The following BLK variants were observed in gnomAD, a reference collection of about 807,000 sequenced individuals.
The protein encoded by BLK is tyrosine-protein kinase Blk.
In BLK, 64 loss-of-function variants were observed where a neutral mutation model predicts 61.8. The observed-to-expected ratio is 1.03, with a 90% CI of 0.85 to 1.27. The LOEUF is 1.27. BLK is among the 50% of genes most tolerant of loss of function. The pLI, the probability that BLK is intolerant of heterozygous loss-of-function variation, is 0.00. For missense variants in BLK, 853 were observed against 660.5 expected, an observed-to-expected ratio of 1.29 and a Z score of -3.19; for synonymous variants, 351 against 272.0, an observed-to-expected ratio of 1.29 and a Z score of -2.86.
intron 1 of BLK, among the ~76,000 whole-genome samples, chr8:11,512,291 G>A (rs1049637540): frequency 6.6e-6 from 1 of 152,176 alleles, no homozygotes; most frequent in Non-Finnish European, 1.5e-5. Context: ...ACAGAAAACT[G>A]TGTTGTTTGT....
At chr8:11,549,504 G>A (rs73195287) in intron 5 of BLK, among the ~76,000 whole-genome samples, 22 of 152,160 alleles carry the variant, frequency 1.4e-4, no homozygotes, top group African/African-American at 4.3e-4. Flanking sequence ...GGAGGGTGGC[G>A]TTGTTCAGAA....
intron 2 of BLK, among the ~76,000 whole-genome samples, chr8:11,545,462 T>C (rs1437255463): frequency 1.3e-5 from 2 of 152,098 alleles, no homozygotes; most frequent in Admixed American, 1.3e-4. Flanking sequence ...GGCACGAGAA[T>C]TGCTTGAACT....
chr8:11,548,376 A>G (rs897353206), intron 4 of BLK, among the ~76,000 whole-genome samples: 2 of 152,144 alleles, frequency 1.3e-5, no homozygotes. Context: ...CACCGCCTCC[A>G]TGCAGCCCTC....
Position 11,545,604 on chromosome 8 carries a change from C to A in BLK, c.124-448C>A, listed in dbSNP as rs1490696363. On this transcript the variant is annotated intron_variant, in intron 2 of 12. Coordinates refer to ENST00000259089, the MANE Select transcript of BLK (RefSeq NM_001715.3). ...TGCTAGGAGCCCTCTTGTACACATT[C>A]CCTTGTACACTCTTGTACACATACA... 2.6e-5 allele frequency: 5 copies of A among 194,946 alleles called. No individual in the cohort carries two copies. The South Asian group carries it at 3.4e-4, about 13-fold the overall frequency. The allele number at this position is 194,946 out of a possible 1,614,324, so 12.1% of individuals were successfully genotyped here. A position where few individuals can be genotyped will look rare whatever the true frequency, so the allele number is the denominator to read the frequency against.
chr8:11,495,716 T>C lies in BLK; in HGVS notation c.-2+1125T>C, dbSNP rs189843375. ...ATGGTCAGGACACCCAAACCCAGAA[T>C]TCGCATCCTGTATTGGATCCTAAAG... On this transcript the variant is annotated intron_variant, in intron 1 of 12. Coordinates refer to ENST00000259089, the MANE Select transcript of BLK (RefSeq NM_001715.3). 1.2e-3 allele frequency among the ~76,000 whole-genome samples: 186 copies of C among 152,308 alleles called. 1 individual carries two copies. The highest frequency in any genetic ancestry group is 4.1e-3 in the African/African-American group (169 of 41,558).
At chr8:11,548,162 AC>A (rs753710738) in intron 4 of BLK, 37 bp downstream of exon 4, 7 of 1,497,180 alleles carry the variant, frequency 4.7e-6, no homozygotes, top group East Asian at 2.4e-5. Flanking sequence ...TCCCTGCAGG[AC>A]CCCCCTCCCC....
chr8:11,526,493 T>C (rs1585358095), intron 1 of BLK, among the ~76,000 whole-genome samples: 1 of 152,088 alleles, frequency 6.6e-6, no homozygotes, highest in African/African-American at 2.4e-5. Flanking sequence ...CCAAGGCGGG[T>C]GGGTCACCTG....
chr8:11,518,080 G>C (rs751187832), intron 1 of BLK, among the ~76,000 whole-genome samples: 4 of 152,184 alleles, frequency 2.6e-5, no homozygotes, highest in Non-Finnish European at 5.9e-5. Flanking sequence ...ACCGAGGCTG[G>C]GAGGGGCGAG....
At chr8:11,558,745 G>A (rs1278110299) in intron 10 of BLK, 1 of 456,204 alleles carries the variant, frequency 2.2e-6, no homozygotes. Flanking sequence ...ACATCTGGTG[G>A]CCCTGTTAAA....
At chr8:11,532,286 C>A (rs533633534) in intron 1 of BLK, among the ~76,000 whole-genome samples, 13 of 151,860 alleles carry the variant, frequency 8.6e-5, no homozygotes, top group African/African-American at 3.1e-4. Flanking sequence ...GCAACCTCTG[C>A]CTCCCAGGCT....
At chr8:11,538,279 CCT>C (rs1800222095) in intron 1 of BLK, among the ~76,000 whole-genome samples, 1 of 152,178 alleles carries the variant, frequency 6.6e-6, no homozygotes, top group Non-Finnish European at 1.5e-5. Context: ...ATGCGTTTTG[CCT>C]CTGTCTGGAC....
intron 5 of BLK, 185 bp from the exon 6 acceptor site, chr8:11,549,974 G>A: frequency 1.5e-6 from 1 of 659,192 alleles, no homozygotes. Flanking sequence ...AGCGGAACTG[G>A]AAGGGCAGCG....
intron 1 of BLK, among the ~76,000 whole-genome samples, chr8:11,529,145 G>T (rs1215932133): frequency 1.3e-5 from 2 of 152,164 alleles, no homozygotes; most frequent in African/African-American, 2.4e-5. Context: ...AATATAAGGA[G>T]TGAAAGTGTA....
chr8:11,495,200 T>G lies in BLK; in HGVS notation c.-2+609T>G, dbSNP rs145974444. On this transcript the variant is annotated intron_variant, in intron 1 of 12. Transcript: ENST00000259089. ...TAGTTGATCACATATTTTGAAAGGA[T>G]TTGTGTAAATTGTAAGGTTTTGACA... Among the ~76,000 whole-genome samples, 351 of 152,250 alleles carry G rather than the reference T, an allele frequency of 2.3e-3. 1 individual carries two copies. Among genetic ancestry groups the G allele is most frequent in the African/African-American group, 7.6e-3 (314 of 41,540 alleles).
intron 2 of BLK, among the ~76,000 whole-genome samples, chr8:11,545,294 A>G (rs1320660439): frequency 6.6e-6 from 1 of 152,236 alleles, no homozygotes. Flanking sequence ...CACGCCTGTA[A>G]TCCCAGCACT....
rs181371664 is a variant in BLK at position 11,502,863 on chromosome 8, G to A, written c.-2+8272G>A. On this transcript the variant is annotated intron_variant, in intron 1 of 12. Transcript: ENST00000259089. ...GGGTGACCCTGCTTTGTGCTCGGTG[G>A]CAGGGGAAGGGGGGTGGGCCTGTGG... 3.2e-3 allele frequency among the ~76,000 whole-genome samples: 491 copies of A among 152,262 alleles called. 1 individual carries two copies. Among genetic ancestry groups the A allele is most frequent in the African/African-American group, 0.011 (457 of 41,542 alleles).
intron 4 of BLK, among the ~76,000 whole-genome samples, chr8:11,548,501 G>T (rs1006912898): frequency 4.7e-4 from 71 of 152,106 alleles, no homozygotes; most frequent in Non-Finnish European, 1.2e-4. Flanking sequence ...CAAGACAGGA[G>T]CCCACACTGA....
At chr8:11,550,419 T>C (rs1305404965) in intron 6 of BLK, among the ~76,000 whole-genome samples, 157 bp downstream of exon 6, 1 of 151,906 alleles carries the variant, frequency 6.6e-6, no homozygotes, top group East Asian at 1.9e-4. Context: ...TGCCCGGGAG[T>C]TGACATGGGG....
chr8:11,540,982 A>G (rs1800353050), intron 1 of BLK, among the ~76,000 whole-genome samples: 1 of 152,178 alleles, frequency 6.6e-6, no homozygotes, highest in South Asian at 2.1e-4. Flanking sequence ...ATTAGCAAAT[A>G]GGGCCGAGTG....
Sources: gnomAD v4.1 joint callset for allele counts (sites outside exome capture counted in the v4.1 genomes callset) on GRCh38, gnomAD v4.1.1 for gene constraint, MANE v1.5 for transcripts, NCBI Gene and HGNC (gene_info 2026-07-23, HGNC 2026-07-21) for gene names.